Variants in SCN10A observed in about 807,000 individuals in gnomAD.
The protein encoded by SCN10A is sodium voltage-gated channel alpha subunit 10.
A neutral mutation model predicts 170.7 loss-of-function variants in SCN10A; 162 were observed. That is an observed-to-expected ratio of 0.95 (90% CI 0.84 to 1.08). The LOEUF (loss-of-function observed/expected upper bound fraction) is 1.08, where lower values mean the gene tolerates loss of function less well. Among genes scored for constraint, SCN10A ranks in the 50% least tolerant of loss-of-function variants. SCN10A has a pLI of 0.00. For missense variants in SCN10A, 2,527 were observed against 2,436.9 expected (o/e 1.04, Z -0.78); for synonymous variants, 985 against 904.6 (o/e 1.09, Z -1.59).
At chr3:38,707,640 G>C (rs573916611) in intron 25 of SCN10A, among the ~76,000 whole-genome samples, 1 of 152,300 alleles carries the variant, frequency 6.6e-6, no homozygotes, top group South Asian at 2.1e-4. Context: ...GCTGGATAAA[G>C]GGTGGGGAGG....
At chr3:38,715,974 C>T (rs987716278) in intron 21 of SCN10A, among the ~76,000 whole-genome samples, 17 of 151,982 alleles carry the variant, frequency 1.1e-4, no homozygotes, top group Non-Finnish European at 2.4e-4. Context: ...GAAAGAAGTA[C>T]AGCTGGATGA....
At chr3:38,785,818 G>C (rs2064193741) in intron 4 of SCN10A, among the ~76,000 whole-genome samples, 1 of 152,110 alleles carries the variant, frequency 6.6e-6, no homozygotes, top group Non-Finnish European at 1.5e-5. Context: ...GTGGGCAAAG[G>C]ATATGAACAG....
chr3:38,718,926 C>CCT, intron 20 of SCN10A, 100 bp from the exon 21 acceptor site: 1 of 1,131,358 alleles, frequency 8.8e-7, no homozygotes, highest in Non-Finnish European at 1.2e-6. Flanking sequence ...ACCACAGTCC[C>CCT]TGGAAGGGGA....
At chr3:38,783,170 G>C (rs992630249) in intron 4 of SCN10A, among the ~76,000 whole-genome samples, 11 of 151,980 alleles carry the variant, frequency 7.2e-5, no homozygotes, top group African/African-American at 2.7e-4. Flanking sequence ...CTCCAACATA[G>C]CAACATGGGG....
At position 38,789,258 on chromosome 3, in the gene SCN10A, C is replaced by T. The variant is rs114346323; in HGVS notation, c.390-222G>A. Among the ~76,000 whole-genome samples, 562 of 152,176 alleles carry T rather than the reference C, an allele frequency of 3.7e-3. 5 individuals carry two copies. The highest frequency in any genetic ancestry group is 0.017 in the Middle Eastern group (5 of 294). On this transcript the variant is annotated intron_variant, in intron 3 of 27. Coordinates refer to ENST00000449082, the MANE Select transcript of SCN10A (RefSeq NM_006514.4). ...CTGATCTACAGGTGGGTATAAATAT[C>T]TACATTTTGAAGCTGAGAAACAGGC... is the stretch of plus-strand genomic sequence containing the variant.
Position 38,728,919 on chromosome 3 carries a change from C to A in SCN10A, c.2281-18G>T, listed in dbSNP as rs761678822. ...ACGCGCAGCTGCAGAGAAACAGAGACCGTCAGGTTTTGGTAGCTGTGCTCA... is the reference window on the plus strand; with the variant it reads ...ACGCGCAGCTGCAGAGAAACAGAGAACGTCAGGTTTTGGTAGCTGTGCTCA... On this transcript the variant is annotated intron_variant, in intron 15 of 27. Transcript: ENST00000449082. 2 of 1,589,546 alleles carry A rather than the reference C, an allele frequency of 1.3e-6. No individual in the cohort carries two copies. Among genetic ancestry groups the A allele is most frequent in the Admixed American group, 3.5e-5 (2 of 57,886 alleles).
chr3:38,795,756 T>C (rs1006865225), intron 1 of SCN10A, among the ~76,000 whole-genome samples: 2 of 152,148 alleles, frequency 1.3e-5, no homozygotes, highest in African/African-American at 2.4e-5. Flanking sequence ...ATAATAACAA[T>C]AGTAACAACT....
chr3:38,795,345 TTC>T lies in SCN10A; in HGVS notation c.-32-1305_-32-1304del, dbSNP rs746745673. Among the ~76,000 whole-genome samples, 342 of 143,844 alleles carry T rather than the reference TTC, an allele frequency of 2.4e-3. 5 individuals carry two copies. Among genetic ancestry groups the T allele is most frequent in the African/African-American group, 8.3e-3 (312 of 37,606 alleles). 94.4% of individuals were successfully genotyped at this position (143,844 alleles called of 152,430 possible). On this transcript the variant is annotated intron_variant, in intron 1 of 27. Coordinates refer to ENST00000449082, the MANE Select transcript of SCN10A (RefSeq NM_006514.4). ...CTTTTTTGTTTTTTTCTTTTTCTTTTTCTTTTTTTTTTTTTGAGACAGGGTAT... is the reference window on the plus strand; with the variant it reads ...CTTTTTTGTTTTTTTCTTTTTCTTTTTTTTTTTTTTTTTGAGACAGGGTAT...
At chr3:38,786,904 C>T (rs909642072) in intron 4 of SCN10A, among the ~76,000 whole-genome samples, 5 of 152,184 alleles carry the variant, frequency 3.3e-5, no homozygotes, top group Non-Finnish European at 7.4e-5. Context: ...TGGCACACTG[C>T]TTCAATTAGA....
intron 1 of SCN10A, among the ~76,000 whole-genome samples, chr3:38,799,619 CTGCCTGATGCTCTACAGTT>C (rs1196971483): frequency 6.6e-6 from 1 of 152,186 alleles, no homozygotes; most frequent in Non-Finnish European, 1.5e-5. Flanking sequence ...GAACGTGCTT[CTGCCTGATGCTCTACAGTT>C]TGGCAGCATA....
At chr3:38,749,565 C>A (rs2063726659) in intron 13 of SCN10A, among the ~76,000 whole-genome samples, 1 of 152,130 alleles carries the variant, frequency 6.6e-6, no homozygotes, top group Non-Finnish European at 1.5e-5. Flanking sequence ...TTAACAAGGA[C>A]TTAGTTAAAT....
chr3:38,739,220 G>A (rs1466372614), intron 15 of SCN10A, among the ~76,000 whole-genome samples: 4 of 152,214 alleles, frequency 2.6e-5, no homozygotes, highest in Admixed American at 2.0e-4. Context: ...AGTATTAGCT[G>A]CTGTGATTAT....
intron 15 of SCN10A, among the ~76,000 whole-genome samples, chr3:38,732,661 A>G (rs186929314): frequency 1.3e-3 from 201 of 152,326 alleles, no homozygotes; most frequent in Non-Finnish European, 1.8e-3. Flanking sequence ...ATGTCAATCT[A>G]TGTTATTCAG....
chr3:38,748,459 G>A (rs76984993), intron 13 of SCN10A, among the ~76,000 whole-genome samples: 7,394 of 152,250 alleles, frequency 0.049, 290 homozygotes, highest in Non-Finnish European at 0.07. Flanking sequence ...ACTGTCTCTT[G>A]TTAAGTCAAT....
chr3:38,705,041 G>A (rs1275632187), intron 26 of SCN10A, among the ~76,000 whole-genome samples: 4 of 152,226 alleles, frequency 2.6e-5, no homozygotes, highest in Non-Finnish European at 5.9e-5. Context: ...GGGTGTCAAA[G>A]ATGTTGCCTG....
chr3:38,720,315 T>G (rs2063377062), intron 20 of SCN10A, among the ~76,000 whole-genome samples: 1 of 152,242 alleles, frequency 6.6e-6, no homozygotes, highest in African/African-American at 2.4e-5. Context: ...GACTATTTAC[T>G]GAGAAAAATG....
At chr3:38,814,841 T>C (rs903564696) in intron 1 of SCN10A, among the ~76,000 whole-genome samples, 4 of 152,182 alleles carry the variant, frequency 2.6e-5, no homozygotes, top group African/African-American at 9.7e-5. Context: ...TTTCCACCAG[T>C]TTAAAAGCAA....
intron 26 of SCN10A, among the ~76,000 whole-genome samples, chr3:38,706,572 C>T (rs1044472040): frequency 2.6e-5 from 4 of 152,186 alleles, no homozygotes; most frequent in African/African-American, 9.7e-5. Flanking sequence ...CAAAAAAGTG[C>T]TATCTTAGGG....
chr3:38,803,946 T>C (rs1459613814), intron 1 of SCN10A, among the ~76,000 whole-genome samples: 1 of 152,116 alleles, frequency 6.6e-6, no homozygotes, highest in Non-Finnish European at 1.5e-5. Flanking sequence ...TATCACCCAC[T>C]TCCATTGCTG....
Sources: gnomAD v4.1 joint callset for allele counts (sites outside exome capture counted in the v4.1 genomes callset) on GRCh38, gnomAD v4.1.1 for gene constraint, MANE v1.5 for transcripts, NCBI Gene and HGNC (gene_info 2026-07-23, HGNC 2026-07-21) for gene names.